TNIK: variants seen among roughly 807,000 people sequenced by gnomAD.
The protein encoded by TNIK is TRAF2 and NCK interacting kinase.
Under a neutral mutation model 191.3 loss-of-function variants are expected in TNIK, and 49 were observed. That is an observed-to-expected ratio of 0.26 (90% confidence interval 0.20 to 0.32). The LOEUF (loss-of-function observed/expected upper bound fraction) is 0.32. Among genes scored for constraint, TNIK ranks in the 10% least tolerant of loss-of-function variants. The probability of loss-of-function intolerance (pLI) is 1.00; values close to 1 mark genes in which losing one functional copy is unlikely to be tolerated. For synonymous variants in TNIK, 594 were observed against 600.9 expected (o/e 0.99, Z 0.17); for missense variants, 1,155 against 1,702.3 (o/e 0.68, Z 5.66).
intron 8 of TNIK, 34 bp from the exon 9 acceptor site, chr3:171,175,364 T>C: frequency 1.9e-6 from 3 of 1,577,294 alleles, no homozygotes; most frequent in Non-Finnish European, 2.6e-6. Flanking sequence ...CAGCTACAGT[T>C]AGGAGGCCAA....
intron 1 of TNIK, among the ~76,000 whole-genome samples, chr3:171,372,416 C>G (rs1716629655): frequency 6.6e-6 from 1 of 152,246 alleles, no homozygotes; most frequent in African/African-American, 2.4e-5. Flanking sequence ...GAGATTTATA[C>G]TGTGTGAGTT....
At chr3:171,192,624 G>C (rs1738193932) in intron 5 of TNIK, among the ~76,000 whole-genome samples, 1 of 152,196 alleles carries the variant, frequency 6.6e-6, no homozygotes. Context: ...ATCCTCTGTA[G>C]GGTTCCCCAG....
At chr3:171,359,985 A>C (rs1454042300) in intron 2 of TNIK, among the ~76,000 whole-genome samples, 2 of 152,154 alleles carry the variant, frequency 1.3e-5, no homozygotes, top group African/African-American at 4.8e-5. Context: ...TAAAAACTAC[A>C]AGTCATGAGG....
intron 2 of TNIK, chr3:171,347,221 G>GGA (rs5854416): frequency 7.8e-6 from 11 of 1,418,548 alleles, no homozygotes; most frequent in Admixed American, 7.2e-5. Flanking sequence ...TTCATTTGCT[G>GGA]AAAAAAAAAA....
At chr3:171,244,544 C>A (rs902502162) in intron 2 of TNIK, among the ~76,000 whole-genome samples, 1 of 151,944 alleles carries the variant, frequency 6.6e-6, no homozygotes, top group Admixed American at 6.5e-5. Context: ...TGCTGCATTC[C>A]AATTTATTTT....
chr3:171,441,767 G>A (rs149261424), intron 1 of TNIK, among the ~76,000 whole-genome samples: 134 of 152,214 alleles, frequency 8.8e-4, no homozygotes, highest in African/African-American at 2.5e-3. Context: ...TAGACCCACC[G>A]GCAATGTATG....
chr3:171,185,333 A>G (rs1737231028), intron 7 of TNIK, among the ~76,000 whole-genome samples: 1 of 152,116 alleles, frequency 6.6e-6, no homozygotes, highest in Admixed American at 6.5e-5. Flanking sequence ...GGACTATAAA[A>G]TGCTTAGCAG....
intron 15 of TNIK, among the ~76,000 whole-genome samples, chr3:171,129,160 T>C (rs917534653): frequency 2.6e-5 from 4 of 152,214 alleles, no homozygotes; most frequent in African/African-American, 9.6e-5. Context: ...GTTTATCTTG[T>C]ATTGATTGTG....
chr3:171,187,686 T>G (rs1395548052), intron 7 of TNIK, among the ~76,000 whole-genome samples: 2 of 152,216 alleles, frequency 1.3e-5, no homozygotes, highest in Non-Finnish European at 2.9e-5. Context: ...TTTGGAGACC[T>G]GCATTCAAGT....
chr3:171,408,731 A>AC lies in TNIK; in HGVS notation c.58-39047dup, dbSNP rs780759506. The stretch of plus-strand genomic sequence containing the variant: ...ACCTACCAGACATACAACACAAACC[A>AC]CCCTCTTTCACCTCTTCTTATTTTC... On this transcript the variant is annotated intron_variant, in intron 1 of 32. Coordinates refer to ENST00000436636, the MANE Select transcript of TNIK (RefSeq NM_015028.4). Among the ~76,000 whole-genome samples the AC allele has an allele frequency of 5.3e-4, 81 of 152,224 alleles. 1 individual carries two copies. The highest frequency in any genetic ancestry group is 7.8e-4 in the Non-Finnish European group (53 of 68,008).
intron 1 of TNIK, among the ~76,000 whole-genome samples, chr3:171,391,754 G>A (rs1719537368): frequency 6.6e-6 from 1 of 151,930 alleles, no homozygotes; most frequent in African/African-American, 2.4e-5. Flanking sequence ...TTGTTAATCT[G>A]TCTTTTTTCA....
At chr3:171,443,309 A>T (rs1727064722) in intron 1 of TNIK, among the ~76,000 whole-genome samples, 2 of 152,052 alleles carry the variant, frequency 1.3e-5, no homozygotes, top group Non-Finnish European at 2.9e-5. Flanking sequence ...GCACTCCCAA[A>T]CTCAAAGGGC....
At chr3:171,359,612 C>T (rs1347476051) in intron 2 of TNIK, among the ~76,000 whole-genome samples, 1 of 152,178 alleles carries the variant, frequency 6.6e-6, no homozygotes, top group Non-Finnish European at 1.5e-5. Flanking sequence ...TCTAGACCCT[C>T]ACCACCAACA....
chr3:171,320,805 C>A (rs1366746404), intron 2 of TNIK, among the ~76,000 whole-genome samples: 3 of 152,180 alleles, frequency 2.0e-5, no homozygotes, highest in African/African-American at 7.2e-5. Context: ...AAAAGATAGG[C>A]AAGCAAAGAG....
intron 1 of TNIK, among the ~76,000 whole-genome samples, chr3:171,407,956 A>G (rs529705457): frequency 1.5e-4 from 23 of 152,194 alleles, no homozygotes; most frequent in Non-Finnish European, 2.6e-4. Context: ...ACCCACAATG[A>G]CACATCTATC....
At chr3:171,306,426 T>A (rs1335168279) in intron 2 of TNIK, among the ~76,000 whole-genome samples, 1 of 152,176 alleles carries the variant, frequency 6.6e-6, no homozygotes, top group Non-Finnish European at 1.5e-5. Context: ...CATTCGGGAC[T>A]CTTTCACCAA....
chr3:171,293,335 G>C (rs556713516), intron 2 of TNIK, among the ~76,000 whole-genome samples: 23 of 152,248 alleles, frequency 1.5e-4, no homozygotes, highest in African/African-American at 5.5e-4. Flanking sequence ...ATGCATTTCA[G>C]CTCATCCTCA....
At chr3:171,384,703 T>C (rs1186015455) in intron 1 of TNIK, among the ~76,000 whole-genome samples, 1 of 152,228 alleles carries the variant, frequency 6.6e-6, no homozygotes, top group African/African-American at 2.4e-5. Context: ...ATTTATGGCA[T>C]GAGCTGGCCC....
intron 2 of TNIK, among the ~76,000 whole-genome samples, chr3:171,249,111 TTTC>T (rs937702567): frequency 5.4e-4 from 82 of 152,218 alleles, no homozygotes; most frequent in Admixed American, 3.5e-3. Flanking sequence ...TGCATACTGT[TTTC>T]TTATTATAGA....
Sources: allele counts gnomAD v4.1 joint callset (sites outside exome capture counted in the v4.1 genomes callset), GRCh38; gene constraint gnomAD v4.1.1; transcripts MANE v1.5; gene names NCBI Gene and HGNC (gene_info 2026-07-23, HGNC 2026-07-21).